The following DMD variants were observed in gnomAD, a reference collection of about 807,000 sequenced individuals.
DMD encodes the protein mutant dystrophin.
Under a neutral mutation model 330.1 loss-of-function variants are expected in DMD, and 63 were observed. The observed-to-expected ratio is 0.19, with a 90% CI of 0.16 to 0.24. The LOEUF (loss-of-function observed/expected upper bound fraction) is 0.24, where lower values mean the gene tolerates loss of function less well. DMD is among the 10% of genes least tolerant of loss of function. The pLI is 1.00. For missense variants in DMD, 3,344 were observed against 2,684.1 expected, an observed-to-expected ratio of 1.25 and a Z score of -5.43; for synonymous variants, 1,223 against 959.8, an observed-to-expected ratio of 1.27 and a Z score of -5.07.
chrX:31,830,304 A>G (rs186393256), intron 49 of DMD, among the ~76,000 whole-genome samples: 564 of 113,036 alleles, frequency 5.0e-3, no homozygotes, highest in Non-Finnish European at 8.4e-3. Flanking sequence ...TTTTTAAAAG[A>G]TCACATCTGG....
chrX:31,856,967 G>A (rs187869015), intron 48 of DMD, among the ~76,000 whole-genome samples: 4 of 111,787 alleles, frequency 3.6e-5, no homozygotes, highest in Admixed American at 1.9e-4. Flanking sequence ...AAAAGTATGC[G>A]CACATGGCTT....
intron 55 of DMD, among the ~76,000 whole-genome samples, chrX:31,576,473 G>C (rs1476386550): frequency 1.8e-5 from 2 of 108,539 alleles, no homozygotes; most frequent in East Asian, 5.8e-4. Flanking sequence ...TCTTGAATGA[G>C]AGGGCCTGAC....
intron 45 of DMD, among the ~76,000 whole-genome samples, chrX:31,961,744 T>TTTTTTTC (rs2095306803): frequency 1.0e-5 from 1 of 96,614 alleles, no homozygotes; most frequent in African/African-American, 4.4e-5. Context: ...GAAGCGGTTT[T>TTTTTTTC]TTTTTTTTTT....
At chrX:32,465,560 TTTTTTTTTTTG>T (rs2098398920) in intron 23 of DMD, among the ~76,000 whole-genome samples, 1 of 16,009 alleles carries the variant, frequency 6.2e-5, no homozygotes, top group African/African-American at 1.9e-4. Flanking sequence ...TGTTCAGGTC[TTTTTTTTTTTG>T]TTTGTTTTTT....
At chrX:33,237,798 CTTGA>C (rs1285808912) in intron 1 of DMD, among the ~76,000 whole-genome samples, 1 of 111,862 alleles carries the variant, frequency 8.9e-6, no homozygotes, top group Non-Finnish European at 1.9e-5. Flanking sequence ...ATATCTTGTA[CTTGA>C]TTGTCAATTA....
intron 1 of DMD, among the ~76,000 whole-genome samples, chrX:33,184,720 C>CTTTTTTTTTTTTTTTTTTTTTTTTTTTT (rs11317329): frequency 2.0e-5 from 1 of 51,086 alleles, no homozygotes; most frequent in African/African-American, 7.2e-5. Context: ...TTTTTTCTTT[C>CTTTTTTTTTTTTTTTTTTTTTTTTTTTT]TTTTTTTTTT....
intron 1 of DMD, among the ~76,000 whole-genome samples, chrX:33,252,614 T>G (rs1434020871): frequency 1.9e-5 from 2 of 107,360 alleles, no homozygotes; most frequent in African/African-American, 6.9e-5. Flanking sequence ...TGGGGTTGAA[T>G]GGGGGGGGTG....
Position 31,965,646 on chromosome X carries a change from G to C in DMD, c.6614+2693C>G, listed in dbSNP as rs751540737. Among the ~76,000 whole-genome samples, 7 of 111,641 alleles carry C rather than the reference G, an allele frequency of 6.3e-5. No individual in the cohort carries two copies. The East Asian group carries it at 2.0e-3, about 32-fold the overall frequency. Reference sequence around the variant, plus strand: ...CGCTTGCTTAAAGACTTGTACACAGGCTTGCTTTGTATCAACCTATGACTT... The same window carrying C: ...CGCTTGCTTAAAGACTTGTACACAGCCTTGCTTTGTATCAACCTATGACTT... On this transcript the variant is annotated intron_variant, in intron 45 of 78. Transcript: ENST00000357033.
intron 37 of DMD, among the ~76,000 whole-genome samples, chrX:32,359,541 C>T (rs1313206476): frequency 4.5e-5 from 5 of 111,268 alleles, no homozygotes; most frequent in Non-Finnish European, 1.9e-5. Context: ...CTGTATAACC[C>T]CTACTATAAA....
chrX:32,445,961 C>T (rs1035761918), intron 27 of DMD, among the ~76,000 whole-genome samples: 26 of 110,040 alleles, frequency 2.4e-4, no homozygotes, highest in African/African-American at 7.6e-4. Context: ...GCAGCTGAAG[C>T]GAGAATTTGA....
rs949317869 is a variant in DMD at position 33,019,643 on chromosome X, T to C, written c.93+496A>G. 3.6e-5 allele frequency among the ~76,000 whole-genome samples: 4 copies of C among 111,600 alleles called. No homozygotes were observed. In the Admixed American group the frequency reaches 3.8e-4, roughly 11 times the overall value. On this transcript the variant is annotated intron_variant, in intron 2 of 78. Transcript: ENST00000357033. The stretch of plus-strand genomic sequence containing the variant: ...GCAAATTAAGTAAATATTAAGAGTA[T>C]GGATTGAAGCCTGCACAAAAACAAG...
At chrX:32,910,699 C>T (rs867870293) in intron 2 of DMD, among the ~76,000 whole-genome samples, 6 of 111,808 alleles carry the variant, frequency 5.4e-5, no homozygotes, top group Non-Finnish European at 9.4e-5. Context: ...CCTCGGCCCC[C>T]CAAAGTGCTG....
At chrX:33,326,364 A>T (rs1171883178) in intron 1 of DMD, among the ~76,000 whole-genome samples, 1 of 112,310 alleles carries the variant, frequency 8.9e-6, no homozygotes. Flanking sequence ...AACAAGTATT[A>T]GGAAGATTCT....
chrX:32,190,529 T>C lies in DMD; in HGVS notation c.6438+26387A>G, dbSNP rs754794978. ...TTTCATAAACATTGTCGTCATATTC[T>C]AGCTAACCATATTTAAAATTTTATA... On this transcript the variant is annotated intron_variant, in intron 44 of 78. Transcript: ENST00000357033. Among the ~76,000 whole-genome samples, 112 of 90,178 alleles carry C rather than the reference T, an allele frequency of 1.2e-3. 1 individual carries two copies. The highest frequency in any genetic ancestry group is 4.6e-3 in the African/African-American group (110 of 24,119). The allele number at this position is 90,178 out of a possible 115,157, so 78.3% of individuals were successfully genotyped here.
At chrX:31,211,573 G>A (rs1300336093) in intron 64 of DMD, among the ~76,000 whole-genome samples, 1 of 112,457 alleles carries the variant, frequency 8.9e-6, no homozygotes, top group Non-Finnish European at 1.9e-5. Context: ...TGTATTAAGA[G>A]TCTTATTTAG....
At chrX:32,866,619 T>A (rs1227901626) in intron 2 of DMD, among the ~76,000 whole-genome samples, 1 of 108,926 alleles carries the variant, frequency 9.2e-6, no homozygotes, top group East Asian at 2.9e-4. Flanking sequence ...GTTCCTCCAA[T>A]GCAATCTTGC....
At chrX:33,025,294 G>T (rs150909821) in intron 1 of DMD, among the ~76,000 whole-genome samples, 1,268 of 111,307 alleles carry the variant, frequency 0.011, 22 homozygotes, top group African/African-American at 0.039. Flanking sequence ...ATAAGAAACT[G>T]AAAGTACACG....
intron 60 of DMD, among the ~76,000 whole-genome samples, chrX:31,386,408 T>TG (rs1235714398): frequency 8.9e-6 from 1 of 111,778 alleles, no homozygotes; most frequent in Non-Finnish European, 1.9e-5. Flanking sequence ...ATGATGTTGA[T>TG]GGGGGTTGGT....
At chrX:31,241,439 C>T (rs777441364) in intron 63 of DMD, among the ~76,000 whole-genome samples, 1 of 111,703 alleles carries the variant, frequency 9.0e-6, no homozygotes, top group Non-Finnish European at 1.9e-5. Context: ...ATATGAGCCA[C>T]CAAAAATAAA....
Sources: allele counts gnomAD v4.1 joint callset (sites outside exome capture counted in the v4.1 genomes callset), GRCh38; gene constraint gnomAD v4.1.1; transcripts MANE v1.5; gene names NCBI Gene and HGNC (gene_info 2026-07-23, HGNC 2026-07-21).